ZEB2: variants seen among roughly 807,000 people sequenced by gnomAD.
ZEB2 encodes the protein zinc finger E-box binding homeobox 2.
A neutral mutation model predicts 99.9 loss-of-function variants in ZEB2; 6 were observed. The ratio of observed to expected loss-of-function variants is 0.06; its 90% CI spans 0.03 to 0.12. The LOEUF is 0.12. ZEB2 is among the 10% of genes least tolerant of loss of function. The pLI is 1.00. For synonymous variants in ZEB2, 517 were observed against 542.5 expected (o/e 0.95, Z 0.65); for missense variants, 969 against 1,502.8 (o/e 0.64, Z 5.87).
intron 2 of ZEB2, among the ~76,000 whole-genome samples, chr2:144,508,733 G>C (rs1417268712): frequency 6.6e-6 from 1 of 151,890 alleles, no homozygotes; most frequent in African/African-American, 2.4e-5. Context: ...CCCTTGAAAA[G>C]ATGCGAAGGC....
At chr2:144,459,793 T>C (rs1239805906) in intron 2 of ZEB2, among the ~76,000 whole-genome samples, 1 of 152,148 alleles carries the variant, frequency 6.6e-6, no homozygotes, top group Admixed American at 6.6e-5. Flanking sequence ...TCCTTTAGAG[T>C]TAAGCATAAC....
At chr2:144,436,641 G>A (rs1703842445) in intron 2 of ZEB2, among the ~76,000 whole-genome samples, 1 of 152,158 alleles carries the variant, frequency 6.6e-6, no homozygotes, top group Admixed American at 6.6e-5. Flanking sequence ...TCAAATTTCA[G>A]TATGCTGGTG....
chr2:144,456,477 T>C (rs1156477185), intron 2 of ZEB2, among the ~76,000 whole-genome samples: 1 of 152,198 alleles, frequency 6.6e-6, no homozygotes, highest in Non-Finnish European at 1.5e-5. Flanking sequence ...GACAAGTTTA[T>C]AAATTCTCAT....
chr2:144,492,666 G>A (rs932784517), intron 2 of ZEB2, among the ~76,000 whole-genome samples: 14 of 152,098 alleles, frequency 9.2e-5, no homozygotes, highest in African/African-American at 2.9e-4. Flanking sequence ...CATTGAGAAA[G>A]GCAGAGAGCC....
chr2:144,432,029 A>G (rs1485397441), intron 2 of ZEB2, among the ~76,000 whole-genome samples: 2 of 151,580 alleles, frequency 1.3e-5, no homozygotes, highest in African/African-American at 4.8e-5. Context: ...CATGCCTTTT[A>G]AGGTCTTTTT....
rs1703111290 is a variant in ZEB2 at position 144,388,434 on chromosome 2, A to G, written c.*1017T>C. 6.5e-6 allele frequency: 1 copy of G among 154,712 alleles called. No homozygotes were observed. Among genetic ancestry groups the G allele is most frequent in the African/African-American group, 2.4e-5 (1 of 41,462 alleles). 9.6% of individuals were successfully genotyped at this position (154,712 alleles called of 1,614,324 possible). A position where few individuals can be genotyped will look rare whatever the true frequency, so the allele number is the denominator to read the frequency against. On this transcript the variant is annotated 3_prime_UTR_variant, in exon 10 of 10. Coordinates refer to ENST00000627532, the MANE Select transcript of ZEB2 (RefSeq NM_014795.4). This position sits in a 1 kb window ranked among gnomAD's most constrained non-coding sequence, Gnocchi z 5.4. ...GAACTATAATACTGTACACTACAGT[A>G]TGAAATAAATAAAATTAGGAAATAT...
At chr2:144,408,744 A>C (rs1037093120) in intron 4 of ZEB2, among the ~76,000 whole-genome samples, 1 of 152,198 alleles carries the variant, frequency 6.6e-6, no homozygotes, top group Non-Finnish European at 1.5e-5. Context: ...ATGGTACCCA[A>C]GGAGCTGCTG....
At chr2:144,404,719 C>G in intron 5 of ZEB2, 117 bp downstream of exon 5, 5 of 1,314,806 alleles carry the variant, frequency 3.8e-6, no homozygotes, top group Non-Finnish European at 5.2e-6. Context: ...TCATGAAATT[C>G]CATGCCTCTG....
intron 2 of ZEB2, among the ~76,000 whole-genome samples, chr2:144,454,436 T>C (rs1220212747): frequency 1.3e-5 from 2 of 152,184 alleles, no homozygotes; most frequent in African/African-American, 4.8e-5. Flanking sequence ...AAGATAAACC[T>C]GGAATTTCCC....
At chr2:144,493,918 C>T (rs999035505) in intron 2 of ZEB2, among the ~76,000 whole-genome samples, 4 of 151,862 alleles carry the variant, frequency 2.6e-5, no homozygotes, top group South Asian at 2.1e-4. Flanking sequence ...TTTGGGAGGC[C>T]GAGGCGGGCG....
chr2:144,449,441 C>T (rs985130215), intron 2 of ZEB2, among the ~76,000 whole-genome samples: 3 of 152,196 alleles, frequency 2.0e-5, no homozygotes, highest in Non-Finnish European at 4.4e-5. Context: ...TCCAGTAACA[C>T]CCCTCATCCC....
At chr2:144,468,478 A>C (rs1179067755) in intron 2 of ZEB2, among the ~76,000 whole-genome samples, 1 of 152,182 alleles carries the variant, frequency 6.6e-6, no homozygotes, top group Non-Finnish European at 1.5e-5. Context: ...TTGGTCAAAA[A>C]ACTGAGGTCT....
intron 7 of ZEB2, 110 bp downstream of exon 7, chr2:144,401,089 A>G (rs1703303678): frequency 1.0e-6 from 1 of 959,774 alleles, no homozygotes. Flanking sequence ...TGAAATAAAT[A>G]GATAGTTCCA....
At chr2:144,394,646 T>C (rs1475159006) in intron 9 of ZEB2, among the ~76,000 whole-genome samples, 3 of 152,374 alleles carry the variant, frequency 2.0e-5, no homozygotes, top group South Asian at 4.1e-4. Context: ...CATTGAATTA[T>C]ATAACACAAG....
At chr2:144,475,942 C>T (rs1704423402) in intron 2 of ZEB2, among the ~76,000 whole-genome samples, 1 of 152,126 alleles carries the variant, frequency 6.6e-6, no homozygotes, top group African/African-American at 2.4e-5. Context: ...CTGTTGGTTC[C>T]GTTTCTGAAT....
chr2:144,462,598 G>A (rs1012593494), intron 2 of ZEB2: 1 of 152,018 alleles, frequency 6.6e-6, no homozygotes, highest in African/African-American at 2.4e-5. Flanking sequence ...GCATGAAACC[G>A]GCAAAATGAG....
intron 2 of ZEB2, among the ~76,000 whole-genome samples, chr2:144,483,131 C>CAA (rs1704538824): frequency 1.4e-5 from 2 of 142,622 alleles, no homozygotes; most frequent in African/African-American, 5.3e-5. Flanking sequence ...CACACACACA[C>CAA]ACACACACAC....
chr2:144,515,075 C>T (rs548683468), intron 2 of ZEB2, among the ~76,000 whole-genome samples: 1 of 152,194 alleles, frequency 6.6e-6, no homozygotes, highest in South Asian at 2.1e-4. Context: ...CCAGGCTGGT[C>T]AACGGTGGCA....
intron 1 of ZEB2, chr2:144,517,645 G>A (rs753100751): frequency 2.9e-6 from 2 of 700,060 alleles, no homozygotes; most frequent in South Asian, 1.5e-5. Flanking sequence ...GGGGATCAGA[G>A]AGACAAGAAT....
Sources: allele counts gnomAD v4.1 joint callset (sites outside exome capture counted in the v4.1 genomes callset), GRCh38; gene constraint gnomAD v4.1.1; non-coding constraint Gnocchi (gnomAD v3.1); transcripts MANE v1.5; gene names NCBI Gene and HGNC (gene_info 2026-07-23, HGNC 2026-07-21).